The following CCR5AS variants were observed in gnomAD, a reference collection of about 807,000 sequenced individuals.
CCR5AS encodes the protein CCR5 antisense RNA.
intron 2 of CCR5AS, chr3:46,374,070 T>A (rs529752751): frequency 1.4e-6 from 1 of 713,998 alleles, no homozygotes; most frequent in Admixed American, 2.7e-5. Flanking sequence ...TAAAAGGAAG[T>A]TACTGTTATA....
intron 1 of CCR5AS, among the ~76,000 whole-genome samples, chr3:46,394,935 A>G (rs985162206): frequency 1.3e-5 from 2 of 152,120 alleles, no homozygotes; most frequent in African/African-American, 4.8e-5. Flanking sequence ...GTTTCAAGAT[A>G]GGGAGTAGAT....
At chr3:46,396,468 T>A (rs1298558870) in intron 1 of CCR5AS, among the ~76,000 whole-genome samples, 1 of 152,178 alleles carries the variant, frequency 6.6e-6, no homozygotes, top group Non-Finnish European at 1.5e-5. Context: ...TGCAGGAAAT[T>A]CAGAACCTTC....
chr3:46,392,417 A>T (rs1487030274), intron 2 of CCR5AS, among the ~76,000 whole-genome samples: 1 of 152,216 alleles, frequency 6.6e-6, no homozygotes, highest in Admixed American at 6.5e-5. Context: ...GAAGCGTGGA[A>T]GGTTGCCCAT....
chr3:46,396,052 G>A (rs897978335), intron 1 of CCR5AS, among the ~76,000 whole-genome samples: 1 of 152,146 alleles, frequency 6.6e-6, no homozygotes, highest in Admixed American at 6.5e-5. Flanking sequence ...CCCCAGCTTA[G>A]GGGCCTCACC....
At chr3:46,396,335 T>C (rs929438449) in intron 1 of CCR5AS, among the ~76,000 whole-genome samples, 10 of 152,024 alleles carry the variant, frequency 6.6e-5, no homozygotes, top group African/African-American at 2.4e-4. Context: ...GAGTGGGCAG[T>C]GTGGCCTCCT....
intron 2 of CCR5AS, among the ~76,000 whole-genome samples, chr3:46,386,708 A>G (rs963797461): frequency 1.3e-5 from 2 of 152,206 alleles, no homozygotes; most frequent in Non-Finnish European, 2.9e-5. Context: ...AAAACTGGAG[A>G]AATTTGAACA....
chr3:46,378,549 C>T (rs1701784227), intron 2 of CCR5AS, among the ~76,000 whole-genome samples: 1 of 152,134 alleles, frequency 6.6e-6, no homozygotes, highest in Non-Finnish European at 1.5e-5. Context: ...ATACTGCCCC[C>T]GCGAGGCCAC....
intron 3 of CCR5AS, among the ~76,000 whole-genome samples, chr3:46,368,010 T>C (rs1701616696): frequency 6.6e-6 from 1 of 152,252 alleles, no homozygotes; most frequent in African/African-American, 2.4e-5. Context: ...TTCTGCTCAC[T>C]GTGCTCATGT....
chr3:46,406,331 G>A (rs1702046834), intron 1 of CCR5AS, among the ~76,000 whole-genome samples: 1 of 151,970 alleles, frequency 6.6e-6, no homozygotes, highest in Non-Finnish European at 1.5e-5. Context: ...CACAGCTGCT[G>A]AGTCGTTGAC....
At chr3:46,376,976 T>C (rs1701767679) in intron 2 of CCR5AS, among the ~76,000 whole-genome samples, 1 of 152,032 alleles carries the variant, frequency 6.6e-6, no homozygotes, top group South Asian at 2.1e-4. Flanking sequence ...ACTTGAAGGA[T>C]TGCCTTTCAT....
intron 2 of CCR5AS, among the ~76,000 whole-genome samples, chr3:46,388,614 C>T (rs1241689432): frequency 6.6e-6 from 1 of 152,140 alleles, no homozygotes; most frequent in Non-Finnish European, 1.5e-5. Context: ...AAAAACAACA[C>T]TCTTCATTTA....
Position 46,400,054 on chromosome 3 carries a change from C to A in CCR5AS, n.163+6843G>T, listed in dbSNP as rs140446975. 3.5e-3 allele frequency among the ~76,000 whole-genome samples: 527 copies of A among 152,222 alleles called. 1 individual carries two copies. Among genetic ancestry groups the A allele is most frequent in the Non-Finnish European group, 3.6e-3 (247 of 68,012 alleles). ...ACAGGCTGGAGTGTAGTAGTAGTAG[C>A]ACAATCACAGCTCAATGCAATCTCT... On this transcript the variant is annotated intron_variant and non_coding_transcript_variant, in intron 1 of 3. Transcript: ENST00000451485.
intron 2 of CCR5AS, among the ~76,000 whole-genome samples, chr3:46,384,966 T>C (rs1171657899): frequency 6.6e-6 from 1 of 152,168 alleles, no homozygotes; most frequent in Admixed American, 6.5e-5. Context: ...GCTGCGTGCA[T>C]GCATTCCTCC....
intron 3 of CCR5AS, among the ~76,000 whole-genome samples, chr3:46,366,689 C>A (rs35513549): frequency 0.057 from 8,636 of 152,242 alleles, 393 homozygotes; most frequent in South Asian, 0.2. Flanking sequence ...ATGGTGAGTT[C>A]CCAACCCACC....
At chr3:46,381,246 A>G (rs955311600) in intron 2 of CCR5AS, among the ~76,000 whole-genome samples, 2 of 152,162 alleles carry the variant, frequency 1.3e-5, no homozygotes, top group Non-Finnish European at 2.9e-5. Flanking sequence ...AAATAAATAT[A>G]GATTTTGCTT....
intron 3 of CCR5AS, among the ~76,000 whole-genome samples, chr3:46,369,683 T>C (rs143788172): frequency 7.2e-5 from 11 of 152,300 alleles, no homozygotes; most frequent in African/African-American, 2.4e-4. Context: ...GTTTACTGAG[T>C]GCATAGTATG....
intron 2 of CCR5AS, chr3:46,373,308 G>C (rs1701694709): frequency 6.2e-7 from 1 of 1,614,146 alleles, no homozygotes; most frequent in Non-Finnish European, 8.5e-7. Flanking sequence ...TGCTGTGTTT[G>C]CTTTAAAAGC....
chr3:46,390,419 T>C (rs1345751122), intron 2 of CCR5AS, among the ~76,000 whole-genome samples: 5 of 151,058 alleles, frequency 3.3e-5, no homozygotes, highest in Non-Finnish European at 7.4e-5. Flanking sequence ...GATAGGGGAG[T>C]TGTAAGGAGA....
chr3:46,375,385 G>A (rs1221205878), intron 2 of CCR5AS: 1 of 167,034 alleles, frequency 6.0e-6, no homozygotes, highest in Non-Finnish European at 1.5e-5. Flanking sequence ...GCAGCATTTA[G>A]CACATACTAC....
Sources: allele counts gnomAD v4.1 joint callset (sites outside exome capture counted in the v4.1 genomes callset), GRCh38; gene constraint gnomAD v4.1.1; transcripts MANE v1.5; gene names NCBI Gene and HGNC (gene_info 2026-07-23, HGNC 2026-07-21).